EPB41L2: variants seen among roughly 807,000 people sequenced by gnomAD.
The protein encoded by EPB41L2 is erythrocyte membrane protein band 4.1 like 2.
EPB41L2 carries 43 observed loss-of-function variants against 113.0 expected under a neutral mutation model. That is an observed-to-expected ratio of 0.38 (90% CI 0.30 to 0.49). The LOEUF is 0.49. EPB41L2 is among the 20% of genes least tolerant of loss of function. EPB41L2 has a pLI of 0.95. For synonymous variants in EPB41L2, 442 were observed against 436.7 expected (o/e 1.01, Z -0.15); for missense variants, 1,147 against 1,223.4 (o/e 0.94, Z 0.93).
intron 1 of EPB41L2, among the ~76,000 whole-genome samples, chr6:130,988,857 G>A (rs1368668838): frequency 2.0e-5 from 3 of 152,230 alleles, no homozygotes; most frequent in African/African-American, 7.2e-5. Context: ...GGGAGGCCGA[G>A]GCAGGCGGAT....
rs537919934 is a variant in EPB41L2, at chr6:130,944,162, T to TACACACACACACAC, written c.705+10942_705+10943insGTGTGTGTGTGTGT. Among the ~76,000 whole-genome samples, 506 of 132,924 alleles carry TACACACACACACAC rather than the reference T, an allele frequency of 3.8e-3. 5 individuals are homozygous for TACACACACACACAC. Among genetic ancestry groups the TACACACACACACAC allele is most frequent in the East Asian group, 0.023 (88 of 3,910 alleles). 87.2% of individuals were successfully genotyped at this position (132,924 alleles called of 152,430 possible). On this transcript the variant is annotated intron_variant, in intron 3 of 19. Transcript: ENST00000337057. ...GGTGGATTATATATATATACGTACA[T>TACACACACACACAC]ACACACACATACACACACACACACA...
Position 130,899,522 on chromosome 6 carries a change from GAAAGCCT to G in EPB41L2, c.1198_1204del (p.Arg400ProfsTer45). The G allele has an allele frequency of 2.5e-6, 4 of 1,613,960 alleles. No individual in the cohort carries two copies. Among genetic ancestry groups the G allele is most frequent in the Non-Finnish European group, 3.4e-6 (4 of 1,179,858 alleles). ...ATGATGTAGGTCAACACCATACATG[GAAAGCCT>G]CTTTGCATTTTCTAAGAACTGGGAA... On this transcript the variant is annotated frameshift_variant, in exon 8 of 20. Coordinates refer to ENST00000337057, the MANE Select transcript of EPB41L2 (RefSeq NM_001431.4). LOFTEE classifies it high-confidence loss of function.
At chr6:130,849,486 C>T (rs921512264) in intron 19 of EPB41L2, among the ~76,000 whole-genome samples, 7 of 152,092 alleles carry the variant, frequency 4.6e-5, no homozygotes, top group South Asian at 4.1e-4. Flanking sequence ...ATTAGTTACT[C>T]ATCTTTTCAA....
chr6:131,007,405 C>A (rs940701409), intron 1 of EPB41L2, among the ~76,000 whole-genome samples: 4 of 152,058 alleles, frequency 2.6e-5, no homozygotes, highest in African/African-American at 9.7e-5. Context: ...TAAAAATTAC[C>A]CAGTCTTGGG....
intron 4 of EPB41L2, 131 bp from the exon 5 acceptor site, chr6:130,908,994 C>A (rs1489282686): frequency 3.1e-6 from 2 of 638,616 alleles, no homozygotes; most frequent in Non-Finnish European, 5.3e-6. Context: ...TTGCACCTAT[C>A]AGCATTCCAC....
intron 1 of EPB41L2, among the ~76,000 whole-genome samples, chr6:130,979,302 A>G (rs763747261): frequency 4.6e-5 from 7 of 151,988 alleles, no homozygotes; most frequent in African/African-American, 1.7e-4. Context: ...CCTGGCCAAC[A>G]TAGCAAAACC....
At chr6:130,998,447 G>C (rs1783640718) in intron 1 of EPB41L2, among the ~76,000 whole-genome samples, 1 of 152,138 alleles carries the variant, frequency 6.6e-6, no homozygotes, top group South Asian at 2.1e-4. Flanking sequence ...TAAAAGAGTA[G>C]CTTAAGAATG....
Position 130,895,042 on chromosome 6 carries a change from A to T in EPB41L2, c.1314T>A (p.Asn438Lys). 6.2e-7 allele frequency: 1 copy of T among 1,614,076 alleles called. No homozygotes were observed. Among genetic ancestry groups the T allele is most frequent in the Non-Finnish European group, 8.5e-7 (1 of 1,179,932 alleles). ...TTAAGATTTTCGGCCAAGCAAAACGATTGATTCGCAGTCTGTCTTTGTAAA... is the reference window on the plus strand; with the variant it reads ...TTAAGATTTTCGGCCAAGCAAAACGTTTGATTCGCAGTCTGTCTTTGTAAA... ...LLIYKDRLRI[N>K]RFAWPKILKI... The change falls in exon 9 of 20, where the codon AAT (asparagine) becomes AAA (lysine). Residue 438 changes from asparagine (N) to lysine (K), a missense_variant. Transcript: ENST00000337057.
chr6:130,863,129 T>G (rs535945439), intron 18 of EPB41L2, among the ~76,000 whole-genome samples: 62 of 152,342 alleles, frequency 4.1e-4, no homozygotes, highest in African/African-American at 1.4e-3. Flanking sequence ...TCAGAATCAA[T>G]GTAAATTTTC....
chr6:130,914,154 A>G (rs1234868160), intron 4 of EPB41L2, among the ~76,000 whole-genome samples: 6 of 152,202 alleles, frequency 3.9e-5, no homozygotes, highest in African/African-American at 1.4e-4. Flanking sequence ...CACAACATCT[A>G]CCTCATAGGG....
chr6:130,959,260 G>A (rs1271388373), intron 1 of EPB41L2, among the ~76,000 whole-genome samples: 1 of 152,150 alleles, frequency 6.6e-6, no homozygotes, highest in Non-Finnish European at 1.5e-5. Context: ...AATTCATTGT[G>A]ATTGAGAGGT....
At chr6:130,844,648 T>C (rs1019749792) in intron 19 of EPB41L2, among the ~76,000 whole-genome samples, 4 of 152,196 alleles carry the variant, frequency 2.6e-5, no homozygotes, top group Non-Finnish European at 4.4e-5. Flanking sequence ...ACTTTATGGA[T>C]TTGACAGTTA....
chr6:131,054,778 A>C (rs1797292843), intron 1 of EPB41L2, among the ~76,000 whole-genome samples: 1 of 152,232 alleles, frequency 6.6e-6, no homozygotes. Flanking sequence ...GGAAGAAGAA[A>C]AGAGCTCCCT....
chr6:130,920,940 C>T (rs1389189486), intron 4 of EPB41L2, among the ~76,000 whole-genome samples: 1 of 152,180 alleles, frequency 6.6e-6, no homozygotes, highest in East Asian at 1.9e-4. Context: ...CCTAGCATAC[C>T]TCAAACTGCT....
chr6:130,902,383 C>T (rs868121616), intron 6 of EPB41L2, among the ~76,000 whole-genome samples: 4 of 152,308 alleles, frequency 2.6e-5, no homozygotes, highest in Middle Eastern at 3.4e-3. Context: ...CACCCAAATA[C>T]ATCATCAGGC....
At chr6:131,014,556 T>G (rs1339265345) in intron 1 of EPB41L2, among the ~76,000 whole-genome samples, 1 of 152,194 alleles carries the variant, frequency 6.6e-6, no homozygotes, top group African/African-American at 2.4e-5. Flanking sequence ...ATTCATAGAT[T>G]GTGTAAAAAG....
At chr6:130,998,066 ATCATT>A (rs778711448) in intron 1 of EPB41L2, among the ~76,000 whole-genome samples, 2 of 152,210 alleles carry the variant, frequency 1.3e-5, no homozygotes, top group Non-Finnish European at 2.9e-5. Flanking sequence ...ATCTATGTGT[ATCATT>A]TCATTTAATT....
At chr6:130,905,347 C>G (rs1215777881) in intron 5 of EPB41L2, among the ~76,000 whole-genome samples, 1 of 151,804 alleles carries the variant, frequency 6.6e-6, no homozygotes, top group African/African-American at 2.4e-5. Context: ...ATTCCACTAG[C>G]CTGAATTTAG....
At chr6:131,020,688 T>C (rs1049018943) in intron 1 of EPB41L2, among the ~76,000 whole-genome samples, 1 of 152,238 alleles carries the variant, frequency 6.6e-6, no homozygotes, top group African/African-American at 2.4e-5. Flanking sequence ...AAGCCATTAC[T>C]GATGATTTCC....
Sources: gnomAD v4.1 joint callset for allele counts (sites outside exome capture counted in the v4.1 genomes callset) on GRCh38, gnomAD v4.1.1 for gene constraint, MANE v1.5 for transcripts, NCBI Gene and HGNC (gene_info 2026-07-23, HGNC 2026-07-21) for gene names.